The following DHRS9 variants were observed in gnomAD, a reference collection of about 807,000 sequenced individuals.
DHRS9 encodes dehydrogenase/reductase 9.
DHRS9 carries 18 observed loss-of-function variants against 26.6 expected under a neutral mutation model. That is an observed-to-expected ratio of 0.68 (90% CI 0.47 to 1.00). DHRS9 has a LOEUF of 1.00. DHRS9 is among the 50% of genes least tolerant of loss of function. The pLI, the probability that DHRS9 is intolerant of heterozygous loss-of-function variation, is 0.00. For missense variants in DHRS9, 425 were observed against 378.7 expected (o/e 1.12, Z -1.01); for synonymous variants, 134 against 141.1 (o/e 0.95, Z 0.36).
At chr2:169,067,337 T>C (rs937035171), upstream of DHRS9, 184 of 1,515,080 alleles carry the variant, frequency 1.2e-4, no homozygotes, top group Non-Finnish European at 2.7e-5. Flanking sequence ...CAGAATGGTG[T>C]AGTTGCAGGA....
chr2:169,072,033 CA>C (rs1558948818), intron 1 of DHRS9, among the ~76,000 whole-genome samples: 2 of 125,084 alleles, frequency 1.6e-5, no homozygotes, highest in African/African-American at 6.0e-5. Flanking sequence ...TTAAACAAAA[CA>C]AAACAAAAAC....
chr2:169,069,066 A>G (rs1056976317), upstream of DHRS9, among the ~76,000 whole-genome samples: 1 of 152,154 alleles, frequency 6.6e-6, no homozygotes, highest in Non-Finnish European at 1.5e-5. Context: ...ACATAAATTA[A>G]GACCCATAAG....
Position 169,069,908 on chromosome 2 carries a change from G to T in DHRS9, c.-60+191G>T, listed in dbSNP as rs549066880. 2.0e-5 allele frequency among the ~76,000 whole-genome samples: 3 copies of T among 152,236 alleles called. No homozygotes were observed. The East Asian group carries it at 5.8e-4, about 29-fold the overall frequency. On this transcript the variant is annotated intron_variant, in intron 1 of 4. Transcript: ENST00000674881. Reference sequence around the variant, plus strand: ...TCCATCTCACCATAGAAATGACCTCGGTGTGACCTGGGATCTTGCCTTGAA... The same window carrying T: ...TCCATCTCACCATAGAAATGACCTCTGTGTGACCTGGGATCTTGCCTTGAA...
chr2:169,072,651 T>G, intron 1 of DHRS9: 1 of 985,482 alleles, frequency 1.0e-6, no homozygotes. Flanking sequence ...TTCCTTTGGC[T>G]GCTGACAGGC....
Position 169,081,732 on chromosome 2 carries a change from A to G in DHRS9, c.151A>G (p.Lys51Glu). Residue 51 changes from lysine to glutamate, a missense_variant, in exon 2 of 5, where the codon AAA becomes GAA. By Grantham distance (56) the Lys-to-Glu change is moderately conservative (BLOSUM62 1). Coordinates refer to ENST00000674881, the MANE Select transcript of DHRS9 (RefSeq NM_001376924.1). Reference sequence around the variant, plus strand: ...AAACTTGGCAGCCAGAACTTTTGATAAAAAGGGATTTCATGTAATCGCTGC... The same window carrying G: ...AAACTTGGCAGCCAGAACTTTTGATGAAAAGGGATTTCATGTAATCGCTGC... ...FGNLAARTFD[K>E]KGFHVIAACL... The G allele has an allele frequency of 6.2e-7, 1 of 1,614,200 alleles. No individual in the cohort carries two copies. Among genetic ancestry groups the G allele is most frequent in the South Asian group, 1.1e-5 (1 of 91,082 alleles).
intron 1 of DHRS9, among the ~76,000 whole-genome samples, chr2:169,079,348 T>C (rs985055177): frequency 2.6e-5 from 4 of 152,104 alleles, no homozygotes; most frequent in African/African-American, 9.7e-5. Flanking sequence ...AAATTCTGTG[T>C]GTATGTTTAT....
chr2:169,076,936 G>A (rs1047722027), intron 1 of DHRS9, among the ~76,000 whole-genome samples: 1 of 152,224 alleles, frequency 6.6e-6, no homozygotes, highest in African/African-American at 2.4e-5. Flanking sequence ...TTAAGTGGAA[G>A]TGGATCATCA....
chr2:169,070,933 G>A lies in DHRS9; in HGVS notation c.-60+1216G>A, dbSNP rs189723867. 4.3e-3 allele frequency: 774 copies of A among 178,450 alleles called. 5 individuals are homozygous for A. The highest frequency in any genetic ancestry group is 5.8e-3 in the Non-Finnish European group (538 of 92,028). 11.1% of individuals were successfully genotyped at this position (178,450 alleles called of 1,614,324 possible). On this transcript the variant is annotated intron_variant, in intron 1 of 4. Transcript: ENST00000674881. The stretch of plus-strand genomic sequence containing the variant: ...CAAAAAATTAGCTAGGCGTGGCAGC[G>A]TGCGCCTGTAGTCCCAGCTACTTGG...
Position 169,083,472 on chromosome 2 carries a change from A to AGGC in DHRS9, c.457_458insGGC (p.Lys153delinsArgGln). The AGGC allele has an allele frequency of 6.2e-7, 1 of 1,614,130 alleles. No individual in the cohort carries two copies. The highest frequency in any genetic ancestry group is 1.7e-5 in the Admixed American group (1 of 60,016). On this transcript the variant is annotated protein_altering_variant, in exon 3 of 5. Transcript: ENST00000674881. The stretch of plus-strand genomic sequence containing the variant: ...GACACTAAATATGCTTCCTTTGGTC[A>AGGC]AGAAAGCTCAAGGGAGAGTTATTAA...
chr2:169,079,024 T>C (rs549851319), intron 1 of DHRS9, among the ~76,000 whole-genome samples: 1 of 151,998 alleles, frequency 6.6e-6, no homozygotes, highest in Non-Finnish European at 1.5e-5. Context: ...ATTTTTTGTA[T>C]TTTTAGTAGA....
upstream of DHRS9, chr2:169,069,423 C>T: frequency 2.0e-6 from 2 of 985,370 alleles, no homozygotes; most frequent in Non-Finnish European, 2.4e-6. Flanking sequence ...ATTTATACTG[C>T]TGATTCCTTT....
chr2:169,088,406 T>C (rs1684418679), intron 3 of DHRS9, among the ~76,000 whole-genome samples: 1 of 152,316 alleles, frequency 6.6e-6, no homozygotes, highest in East Asian at 1.9e-4. Flanking sequence ...AGACTGTCTT[T>C]CCTACCCTCT....
chr2:169,075,056 G>A (rs2105281621), intron 1 of DHRS9, among the ~76,000 whole-genome samples: 1 of 152,272 alleles, frequency 6.6e-6, no homozygotes, highest in South Asian at 2.1e-4. Flanking sequence ...TTCTTCTTTG[G>A]TAGTTGTAGA....
chr2:169,077,651 C>T (rs1684002661), intron 1 of DHRS9, among the ~76,000 whole-genome samples: 1 of 151,712 alleles, frequency 6.6e-6, no homozygotes, highest in Non-Finnish European at 1.5e-5. Flanking sequence ...AATGTAGAAA[C>T]CCCTGAATTC....
intron 1 of DHRS9, among the ~76,000 whole-genome samples, chr2:169,079,961 G>C (rs1233853301): frequency 2.0e-5 from 2 of 99,606 alleles, no homozygotes; most frequent in African/African-American, 4.1e-5. Flanking sequence ...GAGAGAGAGA[G>C]AGAGAGAGAG....
rs767931146 is a variant in DHRS9 at position 169,077,552 on chromosome 2, G to A, written c.-59-3971G>A. 5.5e-4 allele frequency among the ~76,000 whole-genome samples: 84 copies of A among 151,808 alleles called. 1 individual carries two copies. Among genetic ancestry groups the A allele is most frequent in the African/African-American group, 1.9e-3 (79 of 41,292 alleles). On this transcript the variant is annotated intron_variant, in intron 1 of 4. Transcript: ENST00000674881. The stretch of plus-strand genomic sequence containing the variant: ...TCACAGGCAATACAAATACTACTGC[G>A]GTTTGTTGTTTCTTCCGTAATTGAA...
upstream of DHRS9, among the ~76,000 whole-genome samples, chr2:169,068,093 C>A (rs1683698902): frequency 6.6e-6 from 1 of 152,230 alleles, no homozygotes; most frequent in African/African-American, 2.4e-5. Flanking sequence ...GTTAACACTG[C>A]ATGACCACCC....
intron 3 of DHRS9, among the ~76,000 whole-genome samples, chr2:169,089,341 T>A (rs931598114): frequency 8.5e-5 from 13 of 152,188 alleles, no homozygotes; most frequent in African/African-American, 2.9e-4. Context: ...CCCTCACCTC[T>A]TTCCTGATCC....
At chr2:169,092,055 C>A in intron 4 of DHRS9, 102 bp downstream of exon 4, 1 of 1,257,038 alleles carries the variant, frequency 8.0e-7, no homozygotes, top group Non-Finnish European at 1.1e-6. Flanking sequence ...GAGTAATACC[C>A]CAATAAGGAT....
Sources: allele counts gnomAD v4.1 joint callset (sites outside exome capture counted in the v4.1 genomes callset), GRCh38; gene constraint gnomAD v4.1.1; transcripts MANE v1.5; gene names NCBI Gene and HGNC (gene_info 2026-07-23, HGNC 2026-07-21).